NRXN3: variants seen among roughly 807,000 people sequenced by gnomAD.
NRXN3 encodes neurexin 3.
Under a neutral mutation model 137.6 loss-of-function variants are expected in NRXN3, and 32 were observed. That is an observed-to-expected ratio of 0.23 (90% confidence interval 0.18 to 0.31). The LOEUF (loss-of-function observed/expected upper bound fraction) is 0.31, where lower values mean the gene tolerates loss of function less well. Among genes scored for constraint, NRXN3 ranks in the 10% least tolerant of loss-of-function variants. The pLI is 1.00. For missense variants in NRXN3, 1,574 were observed against 2,062.5 expected, an observed-to-expected ratio of 0.76 and a Z score of 4.59; for synonymous variants, 798 against 784.5, an observed-to-expected ratio of 1.02 and a Z score of -0.29.
At chr14:78,290,512 A>G (rs1206214783) in intron 3 of NRXN3, among the ~76,000 whole-genome samples, 1 of 152,118 alleles carries the variant, frequency 6.6e-6, no homozygotes, top group Non-Finnish European at 1.5e-5. Flanking sequence ...TTCACCTGTA[A>G]TCGCAACTAC....
chr14:78,235,595 T>TAA (rs59835294), intron 1 of NRXN3, among the ~76,000 whole-genome samples: 28 of 136,574 alleles, frequency 2.1e-4, no homozygotes, highest in South Asian at 1.4e-3. Flanking sequence ...TAGTTTTTAG[T>TAA]AAAAAAAAAA....
rs142493661 is a variant in NRXN3 at position 78,381,383 on chromosome 14, C to A, written c.757+83523C>A. 3.1e-3 allele frequency among the ~76,000 whole-genome samples: 467 copies of A among 152,120 alleles called. 8 individuals are homozygous for A. Among genetic ancestry groups the A allele is most frequent in the African/African-American group, 0.011 (447 of 41,502 alleles). On this transcript the variant is annotated intron_variant, in intron 4 of 20. Coordinates refer to ENST00000335750, the MANE Select transcript of NRXN3 (RefSeq NM_001330195.2). ...AGTGGGAGAAAATATTTGCAATATC[C>A]AGCAAAGGATTATTATCTAGAATAT...
intron 6 of NRXN3, among the ~76,000 whole-genome samples, chr14:78,699,209 G>A (rs1237970815): frequency 1.3e-5 from 2 of 150,104 alleles, no homozygotes; most frequent in Non-Finnish European, 3.0e-5. Context: ...GGTGGGAATG[G>A]AGTGGGTAGA....
intron 10 of NRXN3, among the ~76,000 whole-genome samples, chr14:78,886,727 TAGGCATGGACA>T (rs2099144886): frequency 6.6e-6 from 1 of 152,296 alleles, no homozygotes; most frequent in South Asian, 2.1e-4. Context: ...GTTCATCTAC[TAGGCATGGACA>T]AGCCACTTCA....
intron 15 of NRXN3, among the ~76,000 whole-genome samples, chr14:79,117,656 A>G (rs1277339467): frequency 6.6e-6 from 1 of 152,138 alleles, no homozygotes; most frequent in African/African-American, 2.4e-5. Context: ...GGAGTGAGGA[A>G]GGGCTAGTAG....
intron 1 of NRXN3, among the ~76,000 whole-genome samples, chr14:78,203,936 G>A (rs1334299594): frequency 1.2e-4 from 18 of 151,518 alleles, no homozygotes; most frequent in African/African-American, 4.1e-4. Context: ...AACACACTGT[G>A]TTGTCTGATT....
chr14:79,517,841 C>CT (rs2097010074), intron 16 of NRXN3, among the ~76,000 whole-genome samples: 1 of 145,576 alleles, frequency 6.9e-6, no homozygotes, highest in South Asian at 2.2e-4. Context: ...ATTTCAGAAT[C>CT]TAAAAGGGCT....
intron 19 of NRXN3, among the ~76,000 whole-genome samples, chr14:79,709,838 T>C (rs995441854): frequency 6.6e-6 from 1 of 152,148 alleles, no homozygotes; most frequent in African/African-American, 2.4e-5. Flanking sequence ...GCATGAAATA[T>C]ATCTCTGAGG....
chr14:79,187,491 G>C (rs1313380447), intron 15 of NRXN3, among the ~76,000 whole-genome samples: 3 of 152,104 alleles, frequency 2.0e-5, no homozygotes, highest in Admixed American at 2.0e-4. Flanking sequence ...CAGAGTAAGT[G>C]TCATATTGCA....
chr14:78,205,100 G>A (rs1389477166), intron 1 of NRXN3, among the ~76,000 whole-genome samples: 1 of 152,206 alleles, frequency 6.6e-6, no homozygotes, highest in Non-Finnish European at 1.5e-5. Flanking sequence ...CGCTGAACAT[G>A]CCACCCAAGG....
At chr14:78,944,561 C>G (rs1052738702) in intron 10 of NRXN3, among the ~76,000 whole-genome samples, 5 of 152,074 alleles carry the variant, frequency 3.3e-5, no homozygotes, top group Admixed American at 2.0e-4. Context: ...ATGATGGTGT[C>G]CTCATCAGAA....
At position 78,458,129 on chromosome 14, in the gene NRXN3, A is replaced by G. The variant is rs147297873; in HGVS notation, c.757+160269A>G. On this transcript the variant is annotated intron_variant, in intron 4 of 20. Transcript: ENST00000335750. ...CTGGAATGTCTCTGGGGAAGGAGACAGTCTCTATCTTTGTTATACTGGTCA... is the reference window on the plus strand; with the variant it reads ...CTGGAATGTCTCTGGGGAAGGAGACGGTCTCTATCTTTGTTATACTGGTCA... Among the ~76,000 whole-genome samples the G allele has an allele frequency of 1.9e-3, 297 of 152,346 alleles. No individual in the cohort carries two copies. The Middle Eastern group carries it at 0.02, about 10-fold the overall frequency.
At position 79,361,281 on chromosome 14, in the gene NRXN3, C is replaced by T. The variant is rs115765617; in HGVS notation, c.3263-105940C>T. ...GGGGCATCAGTAAGCTATCCTCAAC[C>T]CCCTTTTCTTTTCTTCCAGCTTTTC... On this transcript the variant is annotated intron_variant, in intron 15 of 20. Coordinates refer to ENST00000335750, the MANE Select transcript of NRXN3 (RefSeq NM_001330195.2). Among the ~76,000 whole-genome samples the T allele has an allele frequency of 2.8e-3, 421 of 152,192 alleles. 2 individuals are homozygous for T. Among genetic ancestry groups the T allele is most frequent in the African/African-American group, 9.8e-3 (405 of 41,532 alleles).
At chr14:79,638,543 A>C (rs1286330908) in intron 16 of NRXN3, among the ~76,000 whole-genome samples, 1 of 152,240 alleles carries the variant, frequency 6.6e-6, no homozygotes, top group Non-Finnish European at 1.5e-5. Context: ...GAATGACTAA[A>C]GAAAGATATA....
At chr14:78,317,979 G>A (rs1597261327) in intron 4 of NRXN3, among the ~76,000 whole-genome samples, 1 of 152,182 alleles carries the variant, frequency 6.6e-6, no homozygotes, top group South Asian at 2.1e-4. Flanking sequence ...TTTGGGAATA[G>A]GGAAATGGAT....
chr14:79,070,311 C>A (rs2099686040), intron 15 of NRXN3, among the ~76,000 whole-genome samples: 1 of 152,188 alleles, frequency 6.6e-6, no homozygotes, highest in African/African-American at 2.4e-5. Flanking sequence ...TCTCTCCATT[C>A]CCCCAAAGGA....
intron 10 of NRXN3, among the ~76,000 whole-genome samples, chr14:78,956,016 T>C (rs1199455206): frequency 2.6e-5 from 4 of 152,224 alleles, no homozygotes; most frequent in African/African-American, 9.6e-5. Context: ...GCTCCTACTA[T>C]GTACTTGGCC....
At chr14:78,410,822 A>G (rs1338301567) in intron 4 of NRXN3, among the ~76,000 whole-genome samples, 1 of 152,220 alleles carries the variant, frequency 6.6e-6, no homozygotes, top group Non-Finnish European at 1.5e-5. Context: ...TGGGGTTACT[A>G]GAAGGGGAGT....
At chr14:79,292,654 A>G (rs1016178002) in intron 15 of NRXN3, among the ~76,000 whole-genome samples, 1 of 152,216 alleles carries the variant, frequency 6.6e-6, no homozygotes, top group Non-Finnish European at 1.5e-5. Context: ...CCCTTCATAC[A>G]TATGGTAGTA....
Sources: gnomAD v4.1 joint callset for allele counts (sites outside exome capture counted in the v4.1 genomes callset) on GRCh38, gnomAD v4.1.1 for gene constraint, MANE v1.5 for transcripts, NCBI Gene and HGNC (gene_info 2026-07-23, HGNC 2026-07-21) for gene names.